The following NBEA variants were observed in gnomAD, a reference collection of about 807,000 sequenced individuals.
NBEA encodes neurobeachin.
Under a neutral mutation model 343.4 loss-of-function variants are expected in NBEA, and 44 were observed. The observed-to-expected ratio is 0.13, with a 90% CI of 0.10 to 0.16. NBEA has a LOEUF of 0.16. NBEA is among the 10% of genes least tolerant of loss of function. The pLI is 1.00. For synonymous variants in NBEA, 1,175 were observed against 1,238.7 expected, an observed-to-expected ratio of 0.95 and a Z score of 1.08; for missense variants, 2,555 against 3,631.3, an observed-to-expected ratio of 0.70 and a Z score of 7.62.
rs188741885 is a variant in NBEA at position 35,153,757 on chromosome 13, A to G, written c.2446-2017A>G. Among the ~76,000 whole-genome samples, 11 of 152,272 alleles carry G rather than the reference A, an allele frequency of 7.2e-5. No homozygotes were observed. In the East Asian group the frequency reaches 1.9e-3, roughly 27 times the overall value. ...ATGTGATTTCTTCTCTTTTGGTTGAAAACACTTTAACTATCACGGGAGAGT... is the reference window on the plus strand; with the variant it reads ...ATGTGATTTCTTCTCTTTTGGTTGAGAACACTTTAACTATCACGGGAGAGT... On this transcript the variant is annotated intron_variant, in intron 18 of 58. Coordinates refer to ENST00000379939, the MANE Select transcript of NBEA (RefSeq NM_001385012.1).
intron 41 of NBEA, among the ~76,000 whole-genome samples, chr13:35,484,904 A>G (rs1371932526): frequency 2.6e-5 from 4 of 152,222 alleles, no homozygotes; most frequent in East Asian, 3.9e-4. Context: ...TAAATTTTCA[A>G]AAGTCTGATC....
chr13:34,997,477 A>G (rs1315550890), intron 1 of NBEA, among the ~76,000 whole-genome samples: 1 of 152,208 alleles, frequency 6.6e-6, no homozygotes, highest in Non-Finnish European at 1.5e-5. Context: ...TAGACCAGCA[A>G]GCTAATATAT....
At chr13:35,668,613 C>A (rs2085464985) in intron 58 of NBEA, 94 bp downstream of exon 58, 2 of 1,225,240 alleles carry the variant, frequency 1.6e-6, no homozygotes, top group South Asian at 2.4e-5. Context: ...GAGTGCAATT[C>A]CAGCATCCAA....
At chr13:35,122,994 T>C (rs946402872) in intron 16 of NBEA, among the ~76,000 whole-genome samples, 1 of 152,180 alleles carries the variant, frequency 6.6e-6, no homozygotes, top group Admixed American at 6.5e-5. Context: ...TAATTAGTTA[T>C]ACCAAGAAAA....
At chr13:35,347,826 G>A (rs1426781597) in intron 36 of NBEA, among the ~76,000 whole-genome samples, 1 of 151,968 alleles carries the variant, frequency 6.6e-6, no homozygotes, top group Non-Finnish European at 1.5e-5. Flanking sequence ...GCCTGGGTCT[G>A]CAGTGTCCTG....
rs182635384 is a variant in NBEA, at chr13:35,212,618, A to G, written c.5648+1439A>G. Among the ~76,000 whole-genome samples, 241 of 152,238 alleles carry G rather than the reference A, an allele frequency of 1.6e-3. 1 individual carries two copies. The highest frequency in any genetic ancestry group is 5.4e-3 in the African/African-American group (224 of 41,550). ...ACTAGATAATGCAAAATGGTTTGCA[A>G]AAGTGGTTGTACTAGTTTACTAACT... On this transcript the variant is annotated intron_variant, in intron 33 of 58. Transcript: ENST00000379939.
intron 38 of NBEA, among the ~76,000 whole-genome samples, chr13:35,419,837 A>G (rs994290499): frequency 1.3e-5 from 2 of 152,042 alleles, no homozygotes; most frequent in Non-Finnish European, 2.9e-5. Flanking sequence ...TAAAAAAGTA[A>G]TAGAACTCCT....
intron 48 of NBEA, among the ~76,000 whole-genome samples, chr13:35,616,503 A>C (rs2153057665): frequency 6.6e-6 from 1 of 152,346 alleles, no homozygotes; most frequent in East Asian, 1.9e-4. Context: ...ATCAATACAC[A>C]GGTTTTCTTT....
chr13:35,586,754 G>A (rs979952138), intron 46 of NBEA, among the ~76,000 whole-genome samples: 1 of 152,114 alleles, frequency 6.6e-6, no homozygotes, highest in African/African-American at 2.4e-5. Context: ...TCAGAACAGA[G>A]CATCTTTAGT....
At chr13:35,021,107 C>T (rs2061823450) in intron 1 of NBEA, among the ~76,000 whole-genome samples, 1 of 151,856 alleles carries the variant, frequency 6.6e-6, no homozygotes, top group Admixed American at 6.6e-5. Context: ...TAATTTAGCT[C>T]TCATTTTTTT....
chr13:35,575,664 A>G (rs1022567931), intron 45 of NBEA, among the ~76,000 whole-genome samples: 2 of 152,200 alleles, frequency 1.3e-5, no homozygotes, highest in African/African-American at 4.8e-5. Context: ...GTATTTTCCC[A>G]TATAATCAGA....
intron 48 of NBEA, among the ~76,000 whole-genome samples, chr13:35,619,097 A>T (rs1197503170): frequency 6.6e-6 from 1 of 151,548 alleles, no homozygotes; most frequent in African/African-American, 2.4e-5. Context: ...TGCAAATGTA[A>T]AAATTTGCAT....
At chr13:35,586,377 G>A (rs1339040541) in intron 46 of NBEA, among the ~76,000 whole-genome samples, 1 of 152,134 alleles carries the variant, frequency 6.6e-6, no homozygotes, top group African/African-American at 2.4e-5. Flanking sequence ...TTCTGTTTGA[G>A]CACAGATTTT....
intron 13 of NBEA, among the ~76,000 whole-genome samples, chr13:35,112,233 C>T (rs2066254013): frequency 6.6e-6 from 1 of 151,724 alleles, no homozygotes. Context: ...ATTAATGGGG[C>T]TTTAGAAGTT....
At chr13:35,050,656 A>C (rs549747704) in intron 6 of NBEA, among the ~76,000 whole-genome samples, 1 of 152,058 alleles carries the variant, frequency 6.6e-6, no homozygotes, top group East Asian at 1.9e-4. Context: ...CTTTCAATAG[A>C]TACTTATTAT....
chr13:35,176,679 G>A (rs985385551), intron 27 of NBEA, among the ~76,000 whole-genome samples: 1 of 151,924 alleles, frequency 6.6e-6, no homozygotes, highest in Middle Eastern at 3.2e-3. Flanking sequence ...AAAGAGATTT[G>A]TTAACTAGAG....
intron 30 of NBEA, among the ~76,000 whole-genome samples, chr13:35,193,464 C>G (rs1318213812): frequency 1.3e-5 from 2 of 151,872 alleles, no homozygotes; most frequent in Non-Finnish European, 3.0e-5. Context: ...CTTCCTTTCT[C>G]AGTTAGTGAC....
At chr13:35,205,525 C>T (rs942012417) in intron 31 of NBEA, among the ~76,000 whole-genome samples, 7 of 152,106 alleles carry the variant, frequency 4.6e-5, no homozygotes, top group African/African-American at 1.7e-4. Flanking sequence ...AGCCTTTCCT[C>T]ATATGACTTG....
intron 10 of NBEA, among the ~76,000 whole-genome samples, chr13:35,080,423 T>G (rs181293897): frequency 6.6e-6 from 1 of 152,256 alleles, no homozygotes; most frequent in Non-Finnish European, 1.5e-5. Flanking sequence ...AAAAAGAAGA[T>G]TCATACATTC....
Sources: gnomAD v4.1 joint callset for allele counts (sites outside exome capture counted in the v4.1 genomes callset) on GRCh38, gnomAD v4.1.1 for gene constraint, MANE v1.5 for transcripts, NCBI Gene and HGNC (gene_info 2026-07-23, HGNC 2026-07-21) for gene names.